The following CEP128 variants were observed in gnomAD, a reference collection of about 807,000 sequenced individuals.
The protein encoded by CEP128 is centrosomal protein 128, also known as centrosomal protein 128kDa.
Under a neutral mutation model 156.7 loss-of-function variants are expected in CEP128, and 132 were observed. That is an observed-to-expected ratio of 0.84 (90% CI 0.73 to 0.97). The LOEUF is 0.97. Among genes scored for constraint, CEP128 ranks in the 50% least tolerant of loss-of-function variants. The pLI is 0.00. For missense variants in CEP128, 1,252 were observed against 1,281.9 expected (o/e 0.98, Z 0.36); for synonymous variants, 469 against 448.9 (o/e 1.04, Z -0.57).
chr14:80,710,331 G>T (rs74064529), intron 19 of CEP128, among the ~76,000 whole-genome samples: 9,934 of 151,952 alleles, frequency 0.065, 1,077 homozygotes, highest in African/African-American at 0.23. Context: ...TTGAGTATAG[G>T]AGAGAAGAAA....
intron 9 of CEP128, among the ~76,000 whole-genome samples, chr14:80,857,234 G>GT (rs528258601): frequency 0.056 from 7,395 of 133,126 alleles, 192 homozygotes; most frequent in Middle Eastern, 0.066. Flanking sequence ...TTTTTTTACA[G>GT]TTTTTTTTTT....
chr14:80,686,305 A>G (rs1896521145), intron 19 of CEP128, among the ~76,000 whole-genome samples: 1 of 152,044 alleles, frequency 6.6e-6, no homozygotes, highest in Non-Finnish European at 1.5e-5. Context: ...GTAATTTCCA[A>G]TCCAAAATTT....
At chr14:80,930,578 G>C (rs1282122801) in intron 2 of CEP128, among the ~76,000 whole-genome samples, 2 of 152,166 alleles carry the variant, frequency 1.3e-5, no homozygotes, top group African/African-American at 4.8e-5. Flanking sequence ...CTTAAATTAA[G>C]AGTTCATTGC....
At chr14:80,855,567 C>CA (rs913071747) in intron 9 of CEP128, among the ~76,000 whole-genome samples, 44 of 148,990 alleles carry the variant, frequency 3.0e-4, no homozygotes, top group African/African-American at 8.4e-4. Context: ...GAGATGACTA[C>CA]AAAAAAAAAG....
intron 19 of CEP128, among the ~76,000 whole-genome samples, chr14:80,686,670 T>C (rs1441684250): frequency 1.3e-5 from 2 of 152,112 alleles, no homozygotes; most frequent in Admixed American, 6.6e-5. Flanking sequence ...GTGTGCTCTA[T>C]TCAAGAGACC....
chr14:80,856,311 T>C (rs1887153101), intron 9 of CEP128, among the ~76,000 whole-genome samples: 1 of 152,100 alleles, frequency 6.6e-6, no homozygotes. Flanking sequence ...ATATTGTTGA[T>C]ACAGATAAGG....
chr14:80,883,649 T>A (rs1467462856), intron 8 of CEP128, among the ~76,000 whole-genome samples: 1 of 152,120 alleles, frequency 6.6e-6, no homozygotes, highest in African/African-American at 2.4e-5. Flanking sequence ...TCAATATTGT[T>A]AAAATGTCCA....
chr14:80,594,805 T>A (rs1020034475), intron 19 of CEP128, among the ~76,000 whole-genome samples: 1 of 152,110 alleles, frequency 6.6e-6, no homozygotes, highest in African/African-American at 2.4e-5. Flanking sequence ...ATGGCAATCA[T>A]TAAAAAGTCA....
intron 16 of CEP128, among the ~76,000 whole-genome samples, chr14:80,776,104 G>A (rs1336568558): frequency 6.6e-6 from 1 of 152,078 alleles, no homozygotes; most frequent in African/African-American, 2.4e-5. Flanking sequence ...AAAGTGCTGG[G>A]ATTAAAGGCA....
Position 80,591,926 on chromosome 14 carries a change from A to G in CEP128, c.2807-11503T>C, listed in dbSNP as rs1362936620. ...TGACTACTGGGTAAATAATGAAATT[A>G]AGGCTGAAATAAAAAAGTTGTTTGA... On this transcript the variant is annotated intron_variant, in intron 19 of 24. Coordinates refer to ENST00000555265, the MANE Select transcript of CEP128 (RefSeq NM_152446.5). Among the ~76,000 whole-genome samples the G allele has an allele frequency of 1.4e-4, 22 of 152,378 alleles. No individual in the cohort carries two copies. The East Asian group carries it at 4.2e-3, about 29-fold the overall frequency.
upstream of CEP128, among the ~76,000 whole-genome samples, chr14:80,944,094 AC>A (rs1886269185): frequency 6.6e-6 from 1 of 152,172 alleles, no homozygotes; most frequent in South Asian, 2.1e-4. Context: ...AATGAGTTAA[AC>A]CAACAAAATA....
rs61345181 is a variant in CEP128 at position 80,620,741 on chromosome 14, A to C, written c.2807-40318T>G. Among the ~76,000 whole-genome samples the C allele has an allele frequency of 5.7e-3, 866 of 152,326 alleles. 6 individuals carry two copies. The highest frequency in any genetic ancestry group is 0.02 in the African/African-American group (828 of 41,588). On this transcript the variant is annotated intron_variant, in intron 19 of 24. Coordinates refer to ENST00000555265, the MANE Select transcript of CEP128 (RefSeq NM_152446.5). ...TTCAGTCCAAAGGAAACTGATCCTAAGATCCTCTTAATATCTGAGGGTAGA... is the reference window on the plus strand; with the variant it reads ...TTCAGTCCAAAGGAAACTGATCCTACGATCCTCTTAATATCTGAGGGTAGA...
chr14:80,604,254 T>C (rs1032228163), intron 19 of CEP128, among the ~76,000 whole-genome samples: 2 of 152,148 alleles, frequency 1.3e-5, no homozygotes, highest in African/African-American at 4.8e-5. Context: ...ATTCCACCTG[T>C]GTTGATACAA....
chr14:80,683,776 C>T (rs1282046929), intron 19 of CEP128, among the ~76,000 whole-genome samples: 1 of 151,998 alleles, frequency 6.6e-6, no homozygotes, highest in Non-Finnish European at 1.5e-5. Context: ...ACTCTCTGAC[C>T]ATAGTGGAAT....
chr14:80,871,960 G>T (rs776764555), intron 8 of CEP128, among the ~76,000 whole-genome samples: 9 of 152,094 alleles, frequency 5.9e-5, no homozygotes, highest in Non-Finnish European at 1.0e-4. Context: ...GTGCTTCAAA[G>T]TCCACTTAAA....
chr14:80,773,003 A>G (rs1900597442), intron 16 of CEP128, among the ~76,000 whole-genome samples: 1 of 152,354 alleles, frequency 6.6e-6, no homozygotes, highest in Non-Finnish European at 1.5e-5. Flanking sequence ...TTTGTAACAG[A>G]GGAAGCTCCA....
intron 24 of CEP128, among the ~76,000 whole-genome samples, chr14:80,503,993 C>T (rs17110693): frequency 0.035 from 5,373 of 152,086 alleles, 265 homozygotes; most frequent in African/African-American, 0.11. Context: ...CTTATTTTGG[C>T]ATTTTATTTT....
At chr14:80,828,023 T>C (rs1286145160) in intron 13 of CEP128, among the ~76,000 whole-genome samples, 3 of 152,082 alleles carry the variant, frequency 2.0e-5, no homozygotes, top group Non-Finnish European at 2.9e-5. Flanking sequence ...TCTCCACCAA[T>C]GTAAGGGCAC....
rs1566706180 is a variant in CEP128, at chr14:80,904,804, AC to A, written c.480+8del. On this transcript the variant is annotated splice_region_variant and intron_variant, in intron 6 of 24. Transcript: ENST00000555265. Reference sequence around the variant, plus strand: ...TACTGCACACAAATTACAGAATGGTACAAAGTACCTGAGTCATATCATCAGT... The same window carrying A: ...TACTGCACACAAATTACAGAATGGTAAAAGTACCTGAGTCATATCATCAGT... The A allele has an allele frequency of 3.5e-6, 5 of 1,409,260 alleles. No individual in the cohort carries two copies. In the Admixed American group the frequency reaches 8.4e-5, roughly 24 times the overall value. 87.3% of individuals were successfully genotyped at this position (1,409,260 alleles called of 1,614,324 possible). A position where few individuals can be genotyped will look rare whatever the true frequency, so the allele number is the denominator to read the frequency against.
Sources: gnomAD v4.1 joint callset for allele counts (sites outside exome capture counted in the v4.1 genomes callset) on GRCh38, gnomAD v4.1.1 for gene constraint, MANE v1.5 for transcripts, NCBI Gene and HGNC (gene_info 2026-07-23, HGNC 2026-07-21) for gene names.